Variants in ATP2B2 observed in about 807,000 individuals in gnomAD.
The protein encoded by ATP2B2 is ATPase plasma membrane Ca2+ transporting 2, also known as plasma membrane calcium-transporting ATPase 2.
In ATP2B2, 15 loss-of-function variants were observed where a neutral mutation model predicts 120.0. That is an observed-to-expected ratio of 0.12 (90% confidence interval 0.08 to 0.19). The LOEUF (loss-of-function observed/expected upper bound fraction) is 0.19. ATP2B2 is among the 10% of genes least tolerant of loss of function. ATP2B2 has a pLI of 1.00. For synonymous variants in ATP2B2, 694 were observed against 700.3 expected (o/e 0.99, Z 0.14); for missense variants, 1,045 against 1,719.8 (o/e 0.61, Z 6.94).
intron 1 of ATP2B2, among the ~76,000 whole-genome samples, chr3:10,475,106 C>T (rs766576943): frequency 1.5e-4 from 23 of 152,210 alleles, no homozygotes; most frequent in East Asian, 5.8e-4. Context: ...AGGAGGTGAG[C>T]GGGCGTCAGC....
Position 10,491,559 on chromosome 3 carries a change from G to T in ATP2B2, c.-320+13906C>A, listed in dbSNP as rs190085064. ...TCACTCCTTAATGGGGCCCATAGCGGGTATCCTACAGCTGGCAAACAGTAG... is the reference window on the plus strand; with the variant it reads ...TCACTCCTTAATGGGGCCCATAGCGTGTATCCTACAGCTGGCAAACAGTAG... On this transcript the variant is annotated intron_variant, in intron 1 of 22. Coordinates refer to ENST00000360273, the MANE Select transcript of ATP2B2 (RefSeq NM_001001331.4). Among the ~76,000 whole-genome samples, 305 of 152,186 alleles carry T rather than the reference G, an allele frequency of 2.0e-3. 1 individual carries two copies. Among genetic ancestry groups the T allele is most frequent in the Middle Eastern group, 3.4e-3 (1 of 294 alleles).
chr3:10,542,016 C>T (rs2067451371), intron 2 of ATP2B2, among the ~76,000 whole-genome samples: 1 of 151,790 alleles, frequency 6.6e-6, no homozygotes, highest in African/African-American at 2.4e-5. Context: ...TTCTCTATCT[C>T]CAGTAATTTA....
chr3:10,415,569 A>T (rs2062752240), intron 2 of ATP2B2, among the ~76,000 whole-genome samples: 1 of 152,154 alleles, frequency 6.6e-6, no homozygotes, highest in Non-Finnish European at 1.5e-5. Context: ...TGCAGGTGGA[A>T]CAGCTTGCCT....
intron 11 of ATP2B2, among the ~76,000 whole-genome samples, chr3:10,374,786 G>A (rs73014679): frequency 0.017 from 2,614 of 152,258 alleles, 35 homozygotes; most frequent in Non-Finnish European, 0.026. Flanking sequence ...AAGCTTCCCC[G>A]GAAAACATTC....
intron 1 of ATP2B2, among the ~76,000 whole-genome samples, chr3:10,666,543 C>A (rs1575605601): frequency 6.6e-6 from 1 of 152,200 alleles, no homozygotes; most frequent in Non-Finnish European, 1.5e-5. Flanking sequence ...GCTGGTGGTG[C>A]CCAGCTCTCA....
intron 1 of ATP2B2, among the ~76,000 whole-genome samples, chr3:10,685,046 A>G (rs1184614335): frequency 2.0e-5 from 3 of 152,204 alleles, no homozygotes; most frequent in Non-Finnish European, 4.4e-5. Flanking sequence ...AGGCGATGGT[A>G]GACAGACTCT....
chr3:10,337,527 GGT>G (rs1416353709), intron 22 of ATP2B2, among the ~76,000 whole-genome samples: 2 of 152,120 alleles, frequency 1.3e-5, no homozygotes, highest in South Asian at 2.1e-4. Flanking sequence ...GAGGCGCGCA[GGT>G]GTGTCGTGTG....
intron 22 of ATP2B2, among the ~76,000 whole-genome samples, chr3:10,336,915 C>G (rs1255356608): frequency 6.6e-6 from 1 of 152,226 alleles, no homozygotes; most frequent in African/African-American, 2.4e-5. Context: ...TCTGGAGACC[C>G]CTGCGTGGCT....
intron 1 of ATP2B2, among the ~76,000 whole-genome samples, chr3:10,662,796 T>C (rs1027456633): frequency 6.6e-6 from 1 of 152,062 alleles, no homozygotes; most frequent in Non-Finnish European, 1.5e-5. Context: ...TGCACACGTA[T>C]GTTTATTGCG....
intron 1 of ATP2B2, among the ~76,000 whole-genome samples, chr3:10,497,030 T>C (rs1017067472): frequency 6.6e-6 from 1 of 152,218 alleles, no homozygotes; most frequent in African/African-American, 2.4e-5. Context: ...CTGGTGGGCT[T>C]GCAGGATGGT....
At chr3:10,645,602 A>G (rs1389063800) in intron 1 of ATP2B2, among the ~76,000 whole-genome samples, 4 of 152,164 alleles carry the variant, frequency 2.6e-5, no homozygotes, top group African/African-American at 9.7e-5. Flanking sequence ...TTGCAATTTG[A>G]GATTTCACCC....
chr3:10,632,573 T>G (rs2069896958), intron 1 of ATP2B2, among the ~76,000 whole-genome samples: 1 of 152,262 alleles, frequency 6.6e-6, no homozygotes, highest in Admixed American at 6.5e-5. Flanking sequence ...AGTTAATGAC[T>G]GTGGCAAGCT....
chr3:10,573,643 C>T (rs1049475350), intron 2 of ATP2B2, among the ~76,000 whole-genome samples: 8 of 152,190 alleles, frequency 5.3e-5, no homozygotes, highest in African/African-American at 1.9e-4. Flanking sequence ...TGGTTGGGTA[C>T]CATCCTTCAG....
chr3:10,338,499 G>C, intron 21 of ATP2B2, 141 bp from the exon 22 acceptor site: 1 of 626,482 alleles, frequency 1.6e-6, no homozygotes, highest in Non-Finnish European at 2.8e-6. Flanking sequence ...CACCTCACCT[G>C]TTCCTCAGCC....
intron 1 of ATP2B2, among the ~76,000 whole-genome samples, chr3:10,685,578 G>A (rs138773499): frequency 5.9e-5 from 9 of 152,294 alleles, no homozygotes; most frequent in Non-Finnish European, 4.4e-5. Context: ...ACACTCCTGG[G>A]CAGAGAAGAA....
At chr3:10,620,996 G>A (rs941505546) in intron 1 of ATP2B2, among the ~76,000 whole-genome samples, 6 of 152,194 alleles carry the variant, frequency 3.9e-5, no homozygotes, top group Admixed American at 2.6e-4. Context: ...CCTGAGAAGT[G>A]TCTGAAGGCT....
At chr3:10,542,489 T>C (rs984183406) in intron 2 of ATP2B2, among the ~76,000 whole-genome samples, 2 of 152,216 alleles carry the variant, frequency 1.3e-5, no homozygotes, top group Non-Finnish European at 2.9e-5. Flanking sequence ...TTGTCTCCTT[T>C]CTGTTTGGAG....
At position 10,340,623 on chromosome 3, in the gene ATP2B2, T is replaced by C; in HGVS notation, c.2999A>G (p.Asn1000Ser). The change falls in exon 20 of 23, where the codon AAC (asparagine) becomes AGC (serine). Residue 1000 changes from asparagine to serine, a missense_variant. By Grantham distance (46) the Asn-to-Ser change is conservative (BLOSUM62 1). Transcript: ENST00000360273. This position sits in a 1 kb window ranked among gnomAD's most constrained non-coding sequence, Gnocchi z 5.0. ...GAAGAGCTGCATCATGACGAAGGTGTTGAAGATGATGGTGTAATGTTCTGA... is the reference window on the plus strand; with the variant it reads ...GAAGAGCTGCATCATGACGAAGGTGCTGAAGATGATGGTGTAATGTTCTGA... ...PPSEHYTIIF[N>S]TFVMMQLFNE... The C allele has an allele frequency of 3.7e-6, 6 of 1,614,208 alleles. No individual in the cohort carries two copies. Among genetic ancestry groups the C allele is most frequent in the African/African-American group, 1.3e-5 (1 of 75,040 alleles).
chr3:10,637,674 T>G (rs369388304), intron 1 of ATP2B2, among the ~76,000 whole-genome samples: 1 of 152,182 alleles, frequency 6.6e-6, no homozygotes, highest in Non-Finnish European at 1.5e-5. Flanking sequence ...CAACCACATA[T>G]GCAACTGGAG....
Sources: gnomAD v4.1 joint callset for allele counts (sites outside exome capture counted in the v4.1 genomes callset) on GRCh38, gnomAD v4.1.1 for gene constraint, Gnocchi (gnomAD v3.1) non-coding constraint, MANE v1.5 for transcripts, NCBI Gene and HGNC (gene_info 2026-07-23, HGNC 2026-07-21) for gene names.